Variants in SLC12A8 observed in about 807,000 individuals in gnomAD.
SLC12A8 encodes the protein solute carrier family 12 member 8.
A neutral mutation model predicts 75.6 loss-of-function variants in SLC12A8; 69 were observed. The observed-to-expected ratio is 0.91, with a 90% CI of 0.75 to 1.11. SLC12A8 has a LOEUF of 1.11. Ranked by LOEUF, SLC12A8 falls within the 50% of genes most tolerant of loss-of-function variation. The probability of loss-of-function intolerance (pLI) is 0.00; values close to 1 mark genes in which losing one functional copy is unlikely to be tolerated. For missense variants in SLC12A8, 877 were observed against 896.7 expected, an observed-to-expected ratio of 0.98 and a Z score of 0.28; for synonymous variants, 365 against 372.8, an observed-to-expected ratio of 0.98 and a Z score of 0.24.
At chr3:125,085,030 G>A (rs976478090) in intron 13 of SLC12A8, among the ~76,000 whole-genome samples, 1 of 152,200 alleles carries the variant, frequency 6.6e-6, no homozygotes, top group East Asian at 1.9e-4. Flanking sequence ...AAGTTTCAAC[G>A]GACTCTGGCC....
chr3:125,093,973 T>C (rs1462185372), intron 10 of SLC12A8, among the ~76,000 whole-genome samples: 2 of 152,234 alleles, frequency 1.3e-5, no homozygotes, highest in African/African-American at 4.8e-5. Context: ...ATTGTCATCA[T>C]TGGTGACTTC....
chr3:125,088,283 T>C (rs1938509142), intron 13 of SLC12A8, 27 bp downstream of exon 13: 1 of 1,612,536 alleles, frequency 6.2e-7, no homozygotes, highest in Admixed American at 1.7e-5. Context: ...TCATCCATTC[T>C]GGTACTGGCT....
chr3:125,108,509 C>A (rs1419873673), intron 9 of SLC12A8, among the ~76,000 whole-genome samples: 6 of 152,084 alleles, frequency 3.9e-5, no homozygotes, highest in Non-Finnish European at 5.9e-5. Context: ...GCTGGGACTA[C>A]AGGTGCACAC....
intron 1 of SLC12A8, among the ~76,000 whole-genome samples, chr3:125,211,895 A>G (rs1397402416): frequency 6.6e-6 from 1 of 152,106 alleles, no homozygotes; most frequent in East Asian, 1.9e-4. Flanking sequence ...GGAGAAGGGT[A>G]GGAGATTGAA....
intron 2 of SLC12A8, among the ~76,000 whole-genome samples, chr3:125,201,317 C>T (rs901309873): frequency 6.6e-6 from 1 of 151,818 alleles, no homozygotes; most frequent in African/African-American, 2.4e-5. Context: ...GTGGGAGGAT[C>T]CCTTGAGTCC....
In SLC12A8 at chr3:125,131,385, A is replaced by G. The variant is rs540549359; in HGVS notation, c.736+4284T>C. Among the ~76,000 whole-genome samples, 4 of 152,166 alleles carry G rather than the reference A, an allele frequency of 2.6e-5. 1 individual carries two copies. In the South Asian group the frequency reaches 8.3e-4, roughly 32 times the overall value. Reference sequence around the variant, plus strand: ...ACAAATGCAGAATCAAAAATTATTAAGATTTTTTTTTTATTTTTTGAGACA... The same window carrying G: ...ACAAATGCAGAATCAAAAATTATTAGGATTTTTTTTTTATTTTTTGAGACA... On this transcript the variant is annotated intron_variant, in intron 6 of 13. Transcript: ENST00000469902.
At chr3:125,134,923 C>G (rs968350481) in intron 6 of SLC12A8, among the ~76,000 whole-genome samples, 1 of 152,244 alleles carries the variant, frequency 6.6e-6, no homozygotes, top group Non-Finnish European at 1.5e-5. Flanking sequence ...ATGCTTTTCT[C>G]TCTTCATTAA....
chr3:125,187,424 T>A lies in SLC12A8; in HGVS notation c.203A>T (p.Asn68Ile). The A allele has an allele frequency of 6.2e-7, 1 of 1,613,846 alleles. No individual in the cohort carries two copies. Among genetic ancestry groups the A allele is most frequent in the South Asian group, 1.1e-5 (1 of 90,990 alleles). Reference protein sequence around the residue: ...LFLRTGWLVGNTGVLLGMFLV... With the variant: ...LFLRTGWLVGITGVLLGMFLV... The stretch of plus-strand genomic sequence containing the variant: ...GAACATGCCCAGGAGCACTCCTGTG[T>A]TTCCCTGCAGCAGAATAGCAAGGAG... Residue 68 changes from asparagine to isoleucine, a missense_variant, in exon 4 of 14, where the codon AAC becomes ATC. Transcript: ENST00000469902.
chr3:125,188,912 C>T (rs773586402), intron 3 of SLC12A8, among the ~76,000 whole-genome samples: 2 of 152,168 alleles, frequency 1.3e-5, no homozygotes, highest in African/African-American at 2.4e-5. Context: ...TCTGGTCTTG[C>T]CCAGACTTCT....
At chr3:125,134,285 T>TA (rs1368407774) in intron 6 of SLC12A8, among the ~76,000 whole-genome samples, 4 of 151,904 alleles carry the variant, frequency 2.6e-5, no homozygotes. Context: ...TTTATATATA[T>TA]TTTTAGTAGA....
chr3:125,163,544 A>G (rs1336032914), intron 5 of SLC12A8, among the ~76,000 whole-genome samples: 4 of 149,154 alleles, frequency 2.7e-5, no homozygotes, highest in Non-Finnish European at 5.9e-5. Flanking sequence ...GCTTGGAGTG[A>G]GCTGAGATTG....
intron 5 of SLC12A8, chr3:125,151,098 G>A (rs546164428): frequency 4.6e-5 from 7 of 152,298 alleles, no homozygotes; most frequent in South Asian, 4.1e-4. Flanking sequence ...AAGACGCTTC[G>A]AAAAACTAAA....
chr3:125,084,668 A>G (rs554847702), intron 13 of SLC12A8, among the ~76,000 whole-genome samples: 1 of 152,318 alleles, frequency 6.6e-6, no homozygotes, highest in African/African-American at 2.4e-5. Flanking sequence ...ATGCATAGGG[A>G]AAGTGCTAAG....
Position 125,187,297 on chromosome 3 carries a change from G to T in SLC12A8, c.330C>A (p.Ile110=), listed in dbSNP as rs1450532106. 2 of 1,614,196 alleles carry T rather than the reference G, an allele frequency of 1.2e-6. No homozygotes were observed. Among genetic ancestry groups the T allele is most frequent in the South Asian group, 1.1e-5 (1 of 91,082 alleles). The change falls in exon 4 of 14, where the codon ATC becomes ATA. Residue 110 remains isoleucine (I), a synonymous_variant. Transcript: ENST00000469902. ...SIGSGGVYSM[I]SSVLGGQTGG... is the part of the protein sequence containing the mutation. The stretch of plus-strand genomic sequence containing the variant: ...CCGTCTGCCCACCCAGGACCGAGGA[G>T]ATCATGGAGTAGACGCCACCGCTGC...
chr3:125,135,233 G>A (rs1933457119), intron 6 of SLC12A8, among the ~76,000 whole-genome samples: 3 of 152,218 alleles, frequency 2.0e-5, no homozygotes, highest in South Asian at 2.1e-4. Flanking sequence ...GTGCTGGTAC[G>A]GGTAGGGGGA....
At chr3:125,109,279 C>T (rs538525536) in intron 9 of SLC12A8, among the ~76,000 whole-genome samples, 105 of 152,262 alleles carry the variant, frequency 6.9e-4, no homozygotes, top group African/African-American at 2.4e-3. Context: ...CTTTGAATAC[C>T]GGCATTATAC....
Position 125,190,466 on chromosome 3 carries a change from G to A in SLC12A8, c.107C>T (p.Pro36Leu), listed in dbSNP as rs1934889309. The A allele has an allele frequency of 1.2e-6, 2 of 1,614,200 alleles. No homozygotes were observed. Among genetic ancestry groups the A allele is most frequent in the Admixed American group, 3.3e-5 (2 of 60,028 alleles). Reference sequence around the variant, plus strand: ...ACCATCCCAGGTCCCAAACAGCACAGGCTCCCACATGAACAGCTGGGTCTT... The same window carrying A: ...ACCATCCCAGGTCCCAAACAGCACAAGCTCCCACATGAACAGCTGGGTCTT... The part of the protein sequence containing the change: ...WWKTQLFMWE[P>L]VLFGTWDGVF... The change falls in exon 3 of 14, where the codon CCT (proline) becomes CTT (leucine). Residue 36 changes from proline to leucine, a missense_variant. Transcript: ENST00000469902.
intron 5 of SLC12A8, among the ~76,000 whole-genome samples, chr3:125,157,882 T>C (rs375863449): frequency 6.6e-6 from 1 of 152,190 alleles, no homozygotes; most frequent in East Asian, 1.9e-4. Context: ...TGTGCCTTAT[T>C]CTTGTGTGTA....
chr3:125,163,020 G>A lies in SLC12A8; in HGVS notation c.622+14723C>T, dbSNP rs111293790. ...CTAATAAAGGTTTGAAATGGTCCTT[G>A]GGGCCAGGTGCGGTGGCTCATGCCT... On this transcript the variant is annotated intron_variant, in intron 5 of 13. Transcript: ENST00000469902. Among the ~76,000 whole-genome samples the A allele has an allele frequency of 7.0e-3, 1,067 of 152,300 alleles. 15 individuals carry two copies. Among genetic ancestry groups the A allele is most frequent in the African/African-American group, 0.024 (992 of 41,556 alleles).
Sources: allele counts gnomAD v4.1 joint callset (sites outside exome capture counted in the v4.1 genomes callset), GRCh38; gene constraint gnomAD v4.1.1; transcripts MANE v1.5; gene names NCBI Gene and HGNC (gene_info 2026-07-23, HGNC 2026-07-21).